CFAP54: variants seen among roughly 807,000 people sequenced by gnomAD.
CFAP54 encodes the protein cilia- and flagella-associated protein 54.
A neutral mutation model predicts 370.4 loss-of-function variants in CFAP54; 290 were observed. The ratio of observed to expected loss-of-function variants is 0.78; its 90% confidence interval spans 0.71 to 0.86. CFAP54 has a LOEUF of 0.86. Ranked by LOEUF, CFAP54 falls within the 40% of genes least tolerant of loss-of-function variation. The probability of loss-of-function intolerance (pLI) is 0.00; values close to 1 mark genes in which losing one functional copy is unlikely to be tolerated. For synonymous variants in CFAP54, 1,206 were observed against 1,236.5 expected (o/e 0.98, Z 0.52); for missense variants, 3,399 against 3,528.7 (o/e 0.96, Z 0.93).
At chr12:96,518,586 T>G (rs1955266465) in intron 5 of CFAP54, among the ~76,000 whole-genome samples, 1 of 152,164 alleles carries the variant, frequency 6.6e-6, no homozygotes, top group Non-Finnish European at 1.5e-5. Flanking sequence ...CTTAGGAGGC[T>G]GAGGCATGAG....
At chr12:96,677,518 G>T (rs1957224867) in intron 39 of CFAP54, among the ~76,000 whole-genome samples, 1 of 152,162 alleles carries the variant, frequency 6.6e-6, no homozygotes, top group African/African-American at 2.4e-5. Flanking sequence ...GGATGAGGGT[G>T]GGGGCATGAG....
intron 56 of CFAP54, 24 bp from the exon 57 acceptor site, chr12:96,756,434 C>G: frequency 7.1e-7 from 1 of 1,399,712 alleles, no homozygotes; most frequent in Admixed American, 2.2e-5. Flanking sequence ...GAAAAACCAT[C>G]TTTGTATCTT....
chr12:96,533,157 G>T (rs1306486625), intron 9 of CFAP54, among the ~76,000 whole-genome samples: 7 of 151,548 alleles, frequency 4.6e-5, no homozygotes, highest in African/African-American at 1.7e-4. Context: ...TGAGAGTCAG[G>T]TTCTTGCTAT....
At chr12:96,857,414 T>A (rs1309760680) in intron 66 of CFAP54, among the ~76,000 whole-genome samples, 3 of 151,778 alleles carry the variant, frequency 2.0e-5, no homozygotes, top group East Asian at 1.9e-4. Flanking sequence ...CCTGCGTTAG[T>A]TTGCTGAGGA....
At chr12:96,682,111 G>A (rs1957280183) in intron 40 of CFAP54, 3 of 927,232 alleles carry the variant, frequency 3.2e-6, no homozygotes, top group Non-Finnish European at 1.3e-6. Context: ...ATTTTAAATT[G>A]ATTTATTATT....
intron 39 of CFAP54, among the ~76,000 whole-genome samples, chr12:96,671,386 AG>A (rs200449248): frequency 6.6e-6 from 1 of 151,838 alleles, no homozygotes; most frequent in African/African-American, 2.4e-5. Context: ...GGTATAATTT[AG>A]GGGTTTTTTT....
chr12:96,825,730 T>A (rs1221369995), intron 65 of CFAP54, among the ~76,000 whole-genome samples: 1 of 125,328 alleles, frequency 8.0e-6, no homozygotes, highest in African/African-American at 3.2e-5. Context: ...TAATATATTA[T>A]ATAAATATCA....
At chr12:96,702,999 A>G (rs1031742805) in intron 46 of CFAP54, among the ~76,000 whole-genome samples, 1 of 152,202 alleles carries the variant, frequency 6.6e-6, no homozygotes, top group Non-Finnish European at 1.5e-5. Flanking sequence ...TCTTTAATGT[A>G]TACCACCAAG....
chr12:96,625,750 C>T lies in CFAP54; in HGVS notation c.3919C>T (p.Pro1307Ser). ...VTSELSGGED[P>S]IFLYPVVLNW... ...ATCTGAACTCTCAGGAGGAGAGGAC[C>T]CTATATTTCTTTATCCTGTAGTTTT... Residue 1307 changes from proline (P) to serine (S), a missense_variant, in exon 29 of 68, where the codon CCT (proline) becomes TCT (serine). Pro to Ser is a moderately conservative substitution (Grantham distance 74, BLOSUM62 -1). This residue lies in a region of CFAP54 where 2,796 missense variants were observed against 2,869.7 expected (regional missense o/e 0.97). Coordinates refer to ENST00000524981, the MANE Select transcript of CFAP54 (RefSeq NM_001306084.2). 1.3e-6 allele frequency: 2 copies of T among 1,535,408 alleles called. No homozygotes were observed. Among genetic ancestry groups the T allele is most frequent in the African/African-American group, 2.7e-5 (2 of 73,030 alleles).
chr12:96,789,115 T>C (rs1272696213), intron 62 of CFAP54, among the ~76,000 whole-genome samples: 1 of 152,226 alleles, frequency 6.6e-6, no homozygotes, highest in Non-Finnish European at 1.5e-5. Context: ...GGCCTCATAT[T>C]ATTGGGTCAT....
At chr12:96,526,455 G>A (rs575170343) in intron 8 of CFAP54, among the ~76,000 whole-genome samples, 140 of 152,194 alleles carry the variant, frequency 9.2e-4, no homozygotes, top group Non-Finnish European at 1.5e-3. Context: ...TCAAATTTTG[G>A]CTTGAAGACC....
chr12:96,648,652 G>T (rs1229470429), intron 34 of CFAP54, among the ~76,000 whole-genome samples: 1 of 137,426 alleles, frequency 7.3e-6, no homozygotes, highest in African/African-American at 2.7e-5. Flanking sequence ...GTGCAGTGGC[G>T]ATCTCGGCTG....
At chr12:96,554,578 A>T in intron 16 of CFAP54, 98 bp from the exon 17 acceptor site, 1 of 1,260,280 alleles carries the variant, frequency 7.9e-7, no homozygotes, top group Non-Finnish European at 1.1e-6. Context: ...TAATGGTTAC[A>T]AATAAGATGA....
intron 67 of CFAP54, among the ~76,000 whole-genome samples, chr12:96,864,933 C>T (rs1959966025): frequency 6.6e-6 from 1 of 151,992 alleles, no homozygotes; most frequent in African/African-American, 2.4e-5. Context: ...ACATCTTCAT[C>T]CATAAAAAAG....
intron 5 of CFAP54, among the ~76,000 whole-genome samples, chr12:96,514,840 GA>G (rs2136361429): frequency 6.6e-6 from 1 of 152,202 alleles, no homozygotes; most frequent in South Asian, 2.1e-4. Flanking sequence ...ATCTTATTAG[GA>G]GATAAATCTT....
At chr12:96,666,190 T>C (rs1221023268) in intron 39 of CFAP54, among the ~76,000 whole-genome samples, 2 of 152,236 alleles carry the variant, frequency 1.3e-5, no homozygotes, top group African/African-American at 4.8e-5. Context: ...TTTTTTCTTC[T>C]TTTTATCTTA....
intron 32 of CFAP54, among the ~76,000 whole-genome samples, chr12:96,639,590 T>G (rs1245524546): frequency 6.6e-6 from 1 of 152,228 alleles, no homozygotes; most frequent in Non-Finnish European, 1.5e-5. Flanking sequence ...GAGGCCAGCA[T>G]CATCCTGATA....
At chr12:96,758,738 T>C (rs1958296293) in intron 58 of CFAP54, among the ~76,000 whole-genome samples, 1 of 152,178 alleles carries the variant, frequency 6.6e-6, no homozygotes, top group African/African-American at 2.4e-5. Flanking sequence ...GGGTCGCATC[T>C]TGTAGCTAGA....
At chr12:96,861,014 G>A (rs540829903) in intron 67 of CFAP54, 62 bp downstream of exon 67, 18 of 1,257,022 alleles carry the variant, frequency 1.4e-5, no homozygotes, top group African/African-American at 1.4e-4. Context: ...TTTTTGGAAC[G>A]GTCCTCTTAT....
Sources: gnomAD v4.1 joint callset for allele counts (sites outside exome capture counted in the v4.1 genomes callset) on GRCh38, gnomAD v4.1.1 for gene constraint, gnomAD v4.1.1 regional missense constraint, MANE v1.5 for transcripts, NCBI Gene and HGNC (gene_info 2026-07-23, HGNC 2026-07-21) for gene names.